The following RP1 variants were observed in gnomAD, a reference collection of about 807,000 sequenced individuals.
RP1 encodes the protein RP1 axonemal microtubule associated.
A neutral mutation model predicts 14.8 loss-of-function variants in RP1; 16 were observed. The observed-to-expected ratio is 1.08, with a 90% confidence interval of 0.73 to 1.65. RP1 has a LOEUF of 1.65. Among genes scored for constraint, RP1 ranks in the 40% most tolerant of loss-of-function variants. RP1 has a pLI of 0.00. For synonymous variants in RP1, 876 were observed against 883.6 expected (o/e 0.99, Z 0.15); for missense variants, 2,631 against 2,535.0 (o/e 1.04, Z -0.81).
At chr8:54,769,721 C>G in intron 22 of RP1, 1 of 1,450,020 alleles carries the variant, frequency 6.9e-7, no homozygotes, top group Non-Finnish European at 9.3e-7. Context: ...CTTTCTTTCT[C>G]TCTCTCTCTT....
chr8:54,785,784 T>C (rs1746955122), intron 24 of RP1, among the ~76,000 whole-genome samples: 2 of 152,100 alleles, frequency 1.3e-5, no homozygotes, highest in African/African-American at 4.8e-5. Context: ...TAATGACTAA[T>C]GATGTTGAGC....
chr8:54,679,082 A>C (rs923569252), intron 9 of RP1, among the ~76,000 whole-genome samples: 1 of 152,080 alleles, frequency 6.6e-6, no homozygotes, highest in East Asian at 1.9e-4. Context: ...TTAGGGTTTG[A>C]ACTATATTTA....
chr8:54,722,124 T>G (rs1808549614), intron 16 of RP1, among the ~76,000 whole-genome samples: 1 of 151,056 alleles, frequency 6.6e-6, no homozygotes, highest in Non-Finnish European at 1.5e-5. Context: ...ACGCCTGTAA[T>G]CCCAGCTACT....
intron 24 of RP1, among the ~76,000 whole-genome samples, chr8:54,795,697 C>G (rs548923397): frequency 6.6e-6 from 1 of 152,232 alleles, no homozygotes; most frequent in African/African-American, 2.4e-5. Flanking sequence ...CTGACATCTT[C>G]TTTTGAAAGA....
intron 22 of RP1, among the ~76,000 whole-genome samples, chr8:54,764,130 A>C (rs1809708574): frequency 1.3e-5 from 2 of 152,180 alleles, no homozygotes; most frequent in South Asian, 4.1e-4. Context: ...TGTTCCACCG[A>C]AACAATTGTG....
At chr8:54,671,968 A>T (rs1807190473) in intron 7 of RP1, among the ~76,000 whole-genome samples, 1 of 152,158 alleles carries the variant, frequency 6.6e-6, no homozygotes, top group African/African-American at 2.4e-5. Flanking sequence ...CACGTGCTTT[A>T]CTAGGGGAAA....
Position 54,624,943 on chromosome 8 carries a change from G to A in RP1, c.1061G>A (p.Ser354Asn). 6.2e-7 allele frequency: 1 copy of A among 1,614,138 alleles called. No homozygotes were observed. Among genetic ancestry groups the A allele is most frequent in the South Asian group, 1.1e-5 (1 of 91,074 alleles). ...ACCATAAAATGGACAACTACTGTCAGTAAAACTGGTCCTTCTAATAATGAT... is the reference window on the plus strand; with the variant it reads ...ACCATAAAATGGACAACTACTGTCAATAAAACTGGTCCTTCTAATAATGAT... The part of the protein sequence containing the change: ...EETIKWTTTV[S>N]KTGPSNNDEK... The change falls in exon 4 of 4, where the codon AGT (serine) becomes AAT (asparagine). Residue 354 changes from serine to asparagine, a missense_variant. Physicochemically the swap from Ser to Asn is conservative, Grantham distance 46 (BLOSUM62 1). Coordinates refer to ENST00000220676, the MANE Select transcript of RP1 (RefSeq NM_006269.2).
intron 15 of RP1, chr8:54,720,007 G>A (rs1421381760): frequency 5.0e-6 from 4 of 801,894 alleles, no homozygotes; most frequent in Non-Finnish European, 7.5e-6. Flanking sequence ...ACGTAAAAAG[G>A]CTCTAGATTT....
At chr8:54,697,558 A>AAAAAG (rs1260934494) in intron 12 of RP1, among the ~76,000 whole-genome samples, 1 of 152,160 alleles carries the variant, frequency 6.6e-6, no homozygotes. Context: ...TCCATCTCAA[A>AAAAAG]AAAAGAAAAG....
intron 3 of RP1, among the ~76,000 whole-genome samples, chr8:54,639,188 A>G (rs1358116595): frequency 1.3e-5 from 2 of 152,172 alleles, no homozygotes; most frequent in Non-Finnish European, 2.9e-5. Context: ...ATGGTCTGGC[A>G]TCTTTGATAT....
chr8:54,816,305 G>A (rs554422165), intron 24 of RP1, among the ~76,000 whole-genome samples: 9 of 152,312 alleles, frequency 5.9e-5, no homozygotes, highest in African/African-American at 1.7e-4. Context: ...AAAGGTCTCT[G>A]TAAGGCTAAA....
chr8:54,693,914 C>T (rs1013197119), intron 12 of RP1, among the ~76,000 whole-genome samples: 12 of 152,102 alleles, frequency 7.9e-5, no homozygotes, highest in African/African-American at 2.4e-4. Context: ...AAAGGGAATG[C>T]TTCCAGTTTT....
chr8:54,691,395 A>G (rs1029028974), intron 12 of RP1, among the ~76,000 whole-genome samples: 1 of 152,098 alleles, frequency 6.6e-6, no homozygotes, highest in African/African-American at 2.4e-5. Flanking sequence ...TGAAGAAATA[A>G]ATCTAGAAGG....
intron 23 of RP1, among the ~76,000 whole-genome samples, chr8:54,776,989 G>A (rs2129377976): frequency 6.6e-6 from 1 of 152,314 alleles, no homozygotes; most frequent in Non-Finnish European, 1.5e-5. Flanking sequence ...GCTGCTGAGT[G>A]TTCTGGTTAG....
At chr8:54,676,232 A>G (rs1365416297) in intron 8 of RP1, among the ~76,000 whole-genome samples, 1 of 152,240 alleles carries the variant, frequency 6.6e-6, no homozygotes, top group Admixed American at 6.5e-5. Flanking sequence ...GAAGGAAGGG[A>G]CAGACAACAA....
chr8:54,719,939 A>G (rs1230724609), intron 15 of RP1, among the ~76,000 whole-genome samples: 2 of 152,182 alleles, frequency 1.3e-5, no homozygotes, highest in Non-Finnish European at 2.9e-5. Flanking sequence ...GCCTCAACCC[A>G]TCATGTGGTC....
chr8:54,622,340 T>G, intron 3 of RP1, 52 bp downstream of exon 3: 1 of 1,571,138 alleles, frequency 6.4e-7, no homozygotes, highest in Non-Finnish European at 8.7e-7. Context: ...AGATTTTTTT[T>G]GCCTCAAGGA....
intron 24 of RP1, among the ~76,000 whole-genome samples, chr8:54,795,644 T>C (rs1380699511): frequency 1.3e-5 from 2 of 152,126 alleles, no homozygotes; most frequent in African/African-American, 4.8e-5. Flanking sequence ...TTAGCAAAAC[T>C]GAAACATGAA....
At chr8:54,647,103 A>G (rs1225553240) in intron 3 of RP1, among the ~76,000 whole-genome samples, 7 of 152,122 alleles carry the variant, frequency 4.6e-5, no homozygotes, top group African/African-American at 7.2e-5. Context: ...ATAGTTTTAT[A>G]TTTTTAAGTA....
Sources: allele counts gnomAD v4.1 joint callset (sites outside exome capture counted in the v4.1 genomes callset), GRCh38; gene constraint gnomAD v4.1.1; transcripts MANE v1.5; gene names NCBI Gene and HGNC (gene_info 2026-07-23, HGNC 2026-07-21).